The following FANK1 variants were observed in gnomAD, a reference collection of about 807,000 sequenced individuals.
FANK1 encodes the protein fibronectin type III and ankyrin repeat domains 1.
FANK1 carries 44 observed loss-of-function variants against 45.3 expected under a neutral mutation model. The observed-to-expected ratio is 0.97, with a 90% CI of 0.76 to 1.25. The LOEUF (loss-of-function observed/expected upper bound fraction) is 1.25. Ranked by LOEUF, FANK1 falls within the 50% of genes most tolerant of loss-of-function variation. The pLI, the probability that FANK1 is intolerant of heterozygous loss-of-function variation, is 0.00. For missense variants in FANK1, 391 were observed against 424.4 expected, an observed-to-expected ratio of 0.92 and a Z score of 0.69; for synonymous variants, 149 against 152.5, an observed-to-expected ratio of 0.98 and a Z score of 0.17.
intron 6 of FANK1, among the ~76,000 whole-genome samples, chr10:125,998,706 G>A (rs1226984595): frequency 6.6e-6 from 1 of 152,070 alleles, no homozygotes; most frequent in Non-Finnish European, 1.5e-5. Flanking sequence ...AAAGAAGTTT[G>A]TGTCTATAAT....
chr10:125,900,649 GTTGT>G lies in FANK1; in HGVS notation c.13+4001_13+4004del, dbSNP rs575004839. ...TCTGTTTTTTTTTGTTTGTTTGTTT[GTTGT>G]TTGTTTTTTGTTTTTTGAGACGGAG... is the stretch of plus-strand genomic sequence containing the variant. On this transcript the variant is annotated intron_variant, in intron 1 of 10. Transcript: ENST00000368693. Among the ~76,000 whole-genome samples the G allele has an allele frequency of 4.6e-3, 703 of 151,988 alleles. 3 individuals are homozygous for G. Among genetic ancestry groups the G allele is most frequent in the African/African-American group, 0.016 (647 of 41,480 alleles).
chr10:125,972,618 C>G (rs780768004), intron 1 of FANK1: 1 of 152,188 alleles, frequency 6.6e-6, no homozygotes, highest in Non-Finnish European at 1.5e-5. Flanking sequence ...CAGGTCCTAT[C>G]TGGCAATAAT....
intron 1 of FANK1, among the ~76,000 whole-genome samples, chr10:125,922,331 C>T (rs1424443141): frequency 6.6e-6 from 1 of 152,222 alleles, no homozygotes; most frequent in South Asian, 2.1e-4. Context: ...AATATGATCT[C>T]TCACCACCGC....
chr10:125,978,514 C>T (rs1263685855), intron 1 of FANK1, among the ~76,000 whole-genome samples: 6 of 152,080 alleles, frequency 3.9e-5, no homozygotes, highest in Non-Finnish European at 7.4e-5. Flanking sequence ...ATGGACAGCT[C>T]GGGCAGGGGT....
At chr10:125,914,180 G>A (rs1335977698) in intron 1 of FANK1, among the ~76,000 whole-genome samples, 2 of 151,722 alleles carry the variant, frequency 1.3e-5, no homozygotes, top group Non-Finnish European at 2.9e-5. Flanking sequence ...TTTAAACATA[G>A]GATATGTTAA....
intron 1 of FANK1, among the ~76,000 whole-genome samples, chr10:125,928,723 T>C (rs892461269): frequency 1.3e-5 from 2 of 152,230 alleles, no homozygotes; most frequent in Admixed American, 6.5e-5. Flanking sequence ...GAAGGGCATC[T>C]TCTCATGTTT....
In FANK1 at chr10:125,971,485, T is replaced by C. The variant is rs57914677; in HGVS notation, c.14-8676T>C. ...ATTCAAACAATTACCTGGTTTGCAT[T>C]GTCTCACTTTTTCTGACCAAGTTTT... On this transcript the variant is annotated intron_variant, in intron 1 of 10. Transcript: ENST00000368693. Among the ~76,000 whole-genome samples the C allele has an allele frequency of 5.0e-3, 753 of 152,074 alleles. 6 individuals are homozygous for C. The highest frequency in any genetic ancestry group is 0.017 in the African/African-American group (685 of 41,510).
At chr10:125,993,389 A>G (rs778220950) in intron 3 of FANK1, among the ~76,000 whole-genome samples, 2 of 152,214 alleles carry the variant, frequency 1.3e-5, no homozygotes, top group Non-Finnish European at 2.9e-5. Context: ...ATCCATCTAA[A>G]GTATAGATGA....
At chr10:125,982,149 GA>G (rs1345415620) in intron 2 of FANK1, among the ~76,000 whole-genome samples, 2 of 152,194 alleles carry the variant, frequency 1.3e-5, no homozygotes, top group African/African-American at 4.8e-5. Context: ...TCTTGAGAAA[GA>G]AAAAGACATC....
intron 3 of FANK1, chr10:125,989,499 C>G (rs1484937681): frequency 1.2e-6 from 1 of 864,854 alleles, no homozygotes; most frequent in Non-Finnish European, 1.9e-6. Context: ...TTCTTCATTA[C>G]AAGTTTTGTG....
At chr10:125,950,811 T>C (rs892883745) in intron 1 of FANK1, among the ~76,000 whole-genome samples, 3 of 146,430 alleles carry the variant, frequency 2.0e-5, no homozygotes, top group Non-Finnish European at 4.5e-5. Context: ...TATTGCGGCA[T>C]TATTCACAAT....
At chr10:125,948,824 A>G (rs1160686276) in intron 1 of FANK1, among the ~76,000 whole-genome samples, 9 of 149,770 alleles carry the variant, frequency 6.0e-5, no homozygotes, top group African/African-American at 2.2e-4. Context: ...AAAAAAGAGA[A>G]TTTTAGACCA....
intron 1 of FANK1, among the ~76,000 whole-genome samples, chr10:125,964,196 T>C (rs1950087646): frequency 7.2e-6 from 1 of 139,734 alleles, no homozygotes; most frequent in Non-Finnish European, 1.6e-5. Flanking sequence ...CTTTTTTTTT[T>C]TTTTTTTTTT....
chr10:126,000,280 T>C (rs1264250418), intron 6 of FANK1, among the ~76,000 whole-genome samples: 4 of 152,222 alleles, frequency 2.6e-5, no homozygotes, highest in Admixed American at 1.3e-4. Context: ...GAAGAACAAA[T>C]AGATAATATC....
At chr10:125,953,865 C>T (rs1031975509) in intron 1 of FANK1, among the ~76,000 whole-genome samples, 1 of 152,162 alleles carries the variant, frequency 6.6e-6, no homozygotes, top group Non-Finnish European at 1.5e-5. Flanking sequence ...CTGCCTTCCC[C>T]ATGGGCTGCT....
intron 1 of FANK1, among the ~76,000 whole-genome samples, chr10:125,906,052 G>C (rs61873383): frequency 7.0e-6 from 1 of 143,376 alleles, no homozygotes; most frequent in Non-Finnish European, 1.5e-5. Flanking sequence ...TGCACTTCAA[G>C]TCCTGTGTAT....
intron 8 of FANK1, 68 bp from the exon 9 acceptor site, chr10:126,008,986 C>A: frequency 6.7e-7 from 1 of 1,485,624 alleles, no homozygotes; most frequent in Non-Finnish European, 9.3e-7. Context: ...GTGCCAGGCT[C>A]ATGCCCCCTG....
chr10:125,910,565 T>G (rs1309123109), intron 1 of FANK1, among the ~76,000 whole-genome samples: 2 of 147,176 alleles, frequency 1.4e-5, no homozygotes, highest in African/African-American at 2.5e-5. Context: ...TGTACTTTGC[T>G]TTTTTCACCT....
rs188704436 is a variant in FANK1 at position 125,929,102 on chromosome 10, C to A, written c.13+32447C>A. The stretch of plus-strand genomic sequence containing the variant: ...TACAGCCTGATGATGTGCGTATGCA[C>A]AGGAGTCCACGAAATATGAGACTCA... On this transcript the variant is annotated intron_variant, in intron 1 of 10. Coordinates refer to ENST00000368693, the MANE Select transcript of FANK1 (RefSeq NM_145235.5). Among the ~76,000 whole-genome samples the A allele has an allele frequency of 4.0e-4, 61 of 152,258 alleles. 2 individuals carry two copies. The highest frequency in any genetic ancestry group is 6.8e-3 in the Middle Eastern group (2 of 294).
Sources: gnomAD v4.1 joint callset for allele counts (sites outside exome capture counted in the v4.1 genomes callset) on GRCh38, gnomAD v4.1.1 for gene constraint, MANE v1.5 for transcripts, NCBI Gene and HGNC (gene_info 2026-07-23, HGNC 2026-07-21) for gene names.